TRPM2: variants seen among roughly 807,000 people sequenced by gnomAD.
TRPM2 encodes estrogen-responsive element-associated gene 1 protein.
TRPM2 carries 161 observed loss-of-function variants against 174.0 expected under a neutral mutation model. The ratio of observed to expected loss-of-function variants is 0.93; its 90% confidence interval spans 0.81 to 1.05. The LOEUF (loss-of-function observed/expected upper bound fraction) is 1.05, where lower values mean the gene tolerates loss of function less well. TRPM2 is among the 50% of genes least tolerant of loss of function. The probability of loss-of-function intolerance (pLI) is 0.00; values close to 1 mark genes in which losing one functional copy is unlikely to be tolerated. For synonymous variants in TRPM2, 954 were observed against 861.3 expected (o/e 1.11, Z -1.88); for missense variants, 2,057 against 2,038.0 (o/e 1.01, Z -0.18).
chr21:44,391,619 G>A lies in TRPM2; in HGVS notation c.1788G>A (p.Lys596=). The change falls in exon 11 of 32, where the codon AAG becomes AAA. Residue 596 remains lysine, a synonymous_variant. Coordinates refer to ENST00000397928, the MANE Select transcript of TRPM2 (RefSeq NM_003307.4). The surrounding 1 kb of genome is among the most constrained non-coding windows in gnomAD (Gnocchi z 5.0). ...LRLLLPVPHV[K]LNVQGVSLRS... ...TCCTGCTGCCCGTTCCCCACGTCAA[G>A]CTCAACGTGCGTGCTGGTAACGGGG... is the stretch of plus-strand genomic sequence containing the variant. The A allele has an allele frequency of 6.4e-7, 1 of 1,573,682 alleles. No homozygotes were observed. Among genetic ancestry groups the A allele is most frequent in the Non-Finnish European group, 8.6e-7 (1 of 1,166,338 alleles).
chr21:44,387,493 G>A (rs62218769), intron 9 of TRPM2, among the ~76,000 whole-genome samples: 24,326 of 152,150 alleles, frequency 0.16, 2,251 homozygotes, highest in Non-Finnish European at 0.2. Context: ...TTTGGCAGTG[G>A]TTTCTTGGCC....
intron 30 of TRPM2, among the ~76,000 whole-genome samples, chr21:44,440,402 C>T (rs959645951): frequency 6.6e-6 from 1 of 151,812 alleles, no homozygotes; most frequent in African/African-American, 2.4e-5. Context: ...CCAGAACGTT[C>T]CATCACCCCA....
At chr21:44,440,268 G>A (rs981188856) in intron 30 of TRPM2, among the ~76,000 whole-genome samples, 13 of 134,134 alleles carry the variant, frequency 9.7e-5, no homozygotes, top group South Asian at 4.5e-4. Context: ...ACCAGGCGGC[G>A]GAGGTTGCAG....
intron 9 of TRPM2, among the ~76,000 whole-genome samples, chr21:44,387,787 G>A (rs2049054909): frequency 6.6e-6 from 1 of 152,134 alleles, no homozygotes; most frequent in Admixed American, 6.5e-5. Context: ...ATAAGCACGT[G>A]AAAAGATGCT....
At chr21:44,390,169 C>A (rs2049130147) in intron 9 of TRPM2, among the ~76,000 whole-genome samples, 2 of 152,148 alleles carry the variant, frequency 1.3e-5, no homozygotes, top group Admixed American at 1.3e-4. Context: ...CCTCGCCCAG[C>A]CAATTTAATC....
intron 20 of TRPM2, chr21:44,416,180 A>G (rs1364131323): frequency 2.0e-5 from 3 of 152,420 alleles, no homozygotes; most frequent in East Asian, 3.9e-4. Context: ...CAGCATCTGC[A>G]GACAGACCCT....
chr21:44,400,283 G>C lies in TRPM2; in HGVS notation c.2233G>C (p.Gly745Arg). 1.9e-6 allele frequency: 3 copies of C among 1,612,820 alleles called. No homozygotes were observed. The highest frequency in any genetic ancestry group is 2.5e-6 in the Non-Finnish European group (3 of 1,179,856). The change falls in exon 15 of 32, where the codon GGC (glycine) becomes CGC (arginine). Residue 745 changes from glycine to arginine, a missense_variant. Coordinates refer to ENST00000397928, the MANE Select transcript of TRPM2 (RefSeq NM_003307.4). The part of the protein sequence containing the change: ...IQAFLTKVWW[G>R]QLSVDNGLWR... ...GGCCTTCCTGACCAAGGTGTGGTGG[G>C]GCCAGCTCTCCGTGGACAATGGGCT...
chr21:44,355,023 G>T (rs1258558129), intron 2 of TRPM2, among the ~76,000 whole-genome samples: 1 of 151,960 alleles, frequency 6.6e-6, no homozygotes, highest in East Asian at 1.9e-4. Flanking sequence ...AGGCCCAGTG[G>T]TGTGAACACA....
At chr21:44,365,709 C>T (rs1050070750) in intron 3 of TRPM2, among the ~76,000 whole-genome samples, 1 of 152,192 alleles carries the variant, frequency 6.6e-6, no homozygotes, top group Non-Finnish European at 1.5e-5. Context: ...CTGCAGCTGC[C>T]GACAGGGGCC....
In TRPM2 at chr21:44,369,184, G is replaced by A. The variant is rs757584992; in HGVS notation, c.612G>A (p.Trp204Ter). ...CCCGTGCTCCTTCCCCAGGGGCCTG[G>A]ATCATCACAGGGGGGTCCCACACCG... ...LVKVAQTTGA[W>*]IITGGSHTGV... Residue 204 changes from tryptophan (W) to a stop codon, truncating the protein, a stop_gained, in exon 5 of 32, where the codon TGG (tryptophan) becomes TGA (stop). Coordinates refer to ENST00000397928, the MANE Select transcript of TRPM2 (RefSeq NM_003307.4). LOFTEE classifies it high-confidence loss of function. 6.2e-7 allele frequency: 1 copy of A among 1,607,794 alleles called. No individual in the cohort carries two copies. The highest frequency in any genetic ancestry group is 2.2e-5 in the East Asian group (1 of 44,730).
chr21:44,425,660 CTG>C lies in TRPM2; in HGVS notation c.3638-8_3638-7del, dbSNP rs2050738338. The C allele has an allele frequency of 4.7e-6, 7 of 1,496,096 alleles. No individual in the cohort carries two copies. The highest frequency in any genetic ancestry group is 1.3e-5 in the South Asian group (1 of 79,930). The allele number at this position is 1,496,096 out of a possible 1,614,324, so 92.7% of individuals were successfully genotyped here. A position where few individuals can be genotyped will look rare whatever the true frequency, so the allele number is the denominator to read the frequency against. ...TCCGCCTTGCGTCACGTCTTCCTGA[CTG>C]TCCCCAGCCTCCCAGAAGGCCGCGG... On this transcript the variant is annotated splice_region_variant and splice_polypyrimidine_tract_variant and intron_variant, in intron 24 of 31. Coordinates refer to ENST00000397928, the MANE Select transcript of TRPM2 (RefSeq NM_003307.4).
chr21:44,437,536 C>T (rs2051324590), intron 29 of TRPM2, among the ~76,000 whole-genome samples: 1 of 152,094 alleles, frequency 6.6e-6, no homozygotes, highest in South Asian at 2.1e-4. Flanking sequence ...AGCTCCTGAC[C>T]TTCAGGGCCA....
intron 16 of TRPM2, among the ~76,000 whole-genome samples, chr21:44,403,060 C>G (rs925299307): frequency 6.6e-6 from 1 of 152,154 alleles, no homozygotes. Context: ...GTGGCCCTGG[C>G]TCTGCTGGGC....
At chr21:44,374,311 C>CGT (rs1193339573) in intron 5 of TRPM2, among the ~76,000 whole-genome samples, 2 of 152,036 alleles carry the variant, frequency 1.3e-5, no homozygotes, top group Non-Finnish European at 2.9e-5. Flanking sequence ...GTGCCTGGCC[C>CGT]GTATATATAT....
At chr21:44,426,516 C>G in intron 25 of TRPM2, 144 bp from the exon 26 acceptor site, 1 of 854,428 alleles carries the variant, frequency 1.2e-6, no homozygotes, top group Non-Finnish European at 1.9e-6. Flanking sequence ...GCACCCGGAT[C>G]TGCCCAGCTT....
rs563696349 is a variant in TRPM2 at position 44,392,783 on chromosome 21, C to T, written c.1794+1158C>T. Among the ~76,000 whole-genome samples the T allele has an allele frequency of 3.9e-5, 6 of 152,228 alleles. No homozygotes were observed. In the East Asian group the frequency reaches 5.8e-4, roughly 15 times the overall value. ...ACAGTACAAAAGGTTCTGCAGGGAGCGTGATCCCCCTGCCCTGAGCCCCAC... is the reference window on the plus strand; with the variant it reads ...ACAGTACAAAAGGTTCTGCAGGGAGTGTGATCCCCCTGCCCTGAGCCCCAC... On this transcript the variant is annotated intron_variant, in intron 11 of 31. Coordinates refer to ENST00000397928, the MANE Select transcript of TRPM2 (RefSeq NM_003307.4).
At chr21:44,406,306 C>T (rs1264678200) in intron 18 of TRPM2, among the ~76,000 whole-genome samples, 8 of 149,228 alleles carry the variant, frequency 5.4e-5, no homozygotes, top group South Asian at 2.1e-4. Context: ...TCCTTGGTCA[C>T]GGTTATGTCT....
chr21:44,426,881 C>T (rs1233996352), intron 26 of TRPM2, 129 bp from the exon 27 acceptor site: 2 of 1,329,876 alleles, frequency 1.5e-6, no homozygotes, highest in African/African-American at 2.9e-5. Flanking sequence ...GGGCCCAGCT[C>T]CTACTGTTGT....
chr21:44,441,827 C>A lies in TRPM2; in HGVS notation c.*10C>A. 6.3e-7 allele frequency: 1 copy of A among 1,597,334 alleles called. No homozygotes were observed. The highest frequency in any genetic ancestry group is 1.7e-5 in the Admixed American group (1 of 58,384). On this transcript the variant is annotated 3_prime_UTR_variant, in exon 32 of 32. Coordinates refer to ENST00000397928, the MANE Select transcript of TRPM2 (RefSeq NM_003307.4). ...CGGGGCTCACTACTGACTGTGCCCT[C>A]AGGCTGGGCGGCTCCAGTCCATAGA...
Sources: gnomAD v4.1 joint callset for allele counts (sites outside exome capture counted in the v4.1 genomes callset) on GRCh38, gnomAD v4.1.1 for gene constraint, Gnocchi (gnomAD v3.1) non-coding constraint, MANE v1.5 for transcripts, NCBI Gene and HGNC (gene_info 2026-07-23, HGNC 2026-07-21) for gene names.